Variants in NRXN3 observed in about 807,000 individuals in gnomAD.
NRXN3 encodes neurexin III.
A neutral mutation model predicts 137.6 loss-of-function variants in NRXN3; 32 were observed. That is an observed-to-expected ratio of 0.23 (90% CI 0.18 to 0.31). The LOEUF (loss-of-function observed/expected upper bound fraction) is 0.31. Ranked by LOEUF, NRXN3 falls within the 10% of genes least tolerant of loss-of-function variation. The pLI, the probability that NRXN3 is intolerant of heterozygous loss-of-function variation, is 1.00. For missense variants in NRXN3, 1,574 were observed against 2,062.5 expected, an observed-to-expected ratio of 0.76 and a Z score of 4.59; for synonymous variants, 798 against 784.5, an observed-to-expected ratio of 1.02 and a Z score of -0.29.
intron 15 of NRXN3, among the ~76,000 whole-genome samples, chr14:79,011,372 C>CA (rs2099570762): frequency 1.8e-5 from 2 of 109,702 alleles, no homozygotes; most frequent in Non-Finnish European, 3.7e-5. Context: ...CCCGCCCCCC[C>CA]ACCTCCCCCC....
intron 4 of NRXN3, among the ~76,000 whole-genome samples, chr14:78,630,535 G>A (rs556388791): frequency 2.2e-4 from 34 of 151,576 alleles, no homozygotes; most frequent in African/African-American, 8.0e-4. Flanking sequence ...TAAATGCACA[G>A]TGCATAAATT....
chr14:79,768,699 T>C (rs933868021), intron 19 of NRXN3, among the ~76,000 whole-genome samples: 9 of 152,096 alleles, frequency 5.9e-5, no homozygotes, highest in Non-Finnish European at 8.8e-5. Context: ...AACTGGAAAC[T>C]CTTAAAAGCA....
At chr14:79,491,825 T>C (rs1401735628) in intron 16 of NRXN3, among the ~76,000 whole-genome samples, 1 of 152,180 alleles carries the variant, frequency 6.6e-6, no homozygotes, top group African/African-American at 2.4e-5. Flanking sequence ...TTACAGTATA[T>C]ATAAACATTA....
intron 15 of NRXN3, among the ~76,000 whole-genome samples, chr14:79,435,593 T>TATAC (rs1555447168): frequency 7.0e-6 from 1 of 143,824 alleles, no homozygotes; most frequent in Non-Finnish European, 1.5e-5. Context: ...AACACTAAGA[T>TATAC]ACACACACAC....
chr14:79,412,410 A>C (rs1229299159), intron 15 of NRXN3, among the ~76,000 whole-genome samples: 1 of 152,072 alleles, frequency 6.6e-6, no homozygotes, highest in Non-Finnish European at 1.5e-5. Context: ...TATGTTTGTC[A>C]TAGGCACTAG....
chr14:78,788,849 G>T (rs2098797070), intron 8 of NRXN3, among the ~76,000 whole-genome samples: 2 of 152,070 alleles, frequency 1.3e-5, no homozygotes, highest in South Asian at 4.2e-4. Context: ...TCCCAACAAG[G>T]TTTTACCATG....
chr14:78,977,245 G>T (rs1213085163), intron 14 of NRXN3, among the ~76,000 whole-genome samples: 1 of 152,206 alleles, frequency 6.6e-6, no homozygotes, highest in East Asian at 1.9e-4. Flanking sequence ...TGACCAGAGA[G>T]TATCTGAGAG....
chr14:78,923,478 C>A (rs1399698255), intron 10 of NRXN3, among the ~76,000 whole-genome samples: 2 of 152,276 alleles, frequency 1.3e-5, no homozygotes, highest in African/African-American at 4.8e-5. Flanking sequence ...CTTTTAGTGG[C>A]ATCACAGAGA....
At chr14:78,440,332 G>A (rs559764318) in intron 4 of NRXN3, among the ~76,000 whole-genome samples, 105 of 151,996 alleles carry the variant, frequency 6.9e-4, no homozygotes, top group Admixed American at 1.7e-3. Flanking sequence ...TGCCCTGCAG[G>A]CCCCATCACC....
chr14:78,696,487 C>T (rs535289770), intron 6 of NRXN3, among the ~76,000 whole-genome samples: 1 of 152,130 alleles, frequency 6.6e-6, no homozygotes. Context: ...AACTGAGGTA[C>T]AGAGAGATTA....
chr14:78,641,555 A>G (rs1006963506), intron 4 of NRXN3, among the ~76,000 whole-genome samples: 2 of 152,232 alleles, frequency 1.3e-5, no homozygotes, highest in African/African-American at 4.8e-5. Flanking sequence ...CCATCACTTG[A>G]AAATGATATA....
intron 20 of NRXN3, among the ~76,000 whole-genome samples, chr14:79,846,178 C>G (rs2099370691): frequency 6.6e-6 from 1 of 152,140 alleles, no homozygotes; most frequent in African/African-American, 2.4e-5. Flanking sequence ...ATGGTGCCAA[C>G]AGAGTTCCTG....
At chr14:78,780,046 AC>A (rs1365031705) in intron 8 of NRXN3, among the ~76,000 whole-genome samples, 1 of 152,158 alleles carries the variant, frequency 6.6e-6, no homozygotes, top group Admixed American at 6.5e-5. Context: ...GACTTGCCCA[AC>A]TAGACATCAA....
At chr14:79,419,541 C>T (rs557197325) in intron 15 of NRXN3, among the ~76,000 whole-genome samples, 2 of 152,110 alleles carry the variant, frequency 1.3e-5, no homozygotes, top group East Asian at 1.9e-4. Flanking sequence ...CCATCCTTCT[C>T]ATTTGTGCCC....
chr14:78,931,377 G>T (rs1237489127), intron 10 of NRXN3, among the ~76,000 whole-genome samples: 1 of 152,060 alleles, frequency 6.6e-6, no homozygotes, highest in Non-Finnish European at 1.5e-5. Flanking sequence ...TGTCCTTAAT[G>T]ATGAATTAAG....
intron 20 of NRXN3, among the ~76,000 whole-genome samples, chr14:79,842,942 C>T (rs2099359255): frequency 6.6e-6 from 1 of 152,158 alleles, no homozygotes; most frequent in Non-Finnish European, 1.5e-5. Context: ...GGGTATTAGA[C>T]ATTGTTTTTT....
chr14:78,376,597 C>T (rs1178603272), intron 4 of NRXN3, among the ~76,000 whole-genome samples: 1 of 152,102 alleles, frequency 6.6e-6, no homozygotes, highest in Non-Finnish European at 1.5e-5. Flanking sequence ...TAGTAAGTTT[C>T]TTGAGTTTTC....
At chr14:78,289,328 CAG>C (rs888131793) in intron 3 of NRXN3, among the ~76,000 whole-genome samples, 5 of 152,140 alleles carry the variant, frequency 3.3e-5, no homozygotes, top group Non-Finnish European at 1.5e-5. Flanking sequence ...GTAGCATTCT[CAG>C]GGGATTTCAG....
At chr14:78,916,092 G>T (rs1055754512) in intron 10 of NRXN3, among the ~76,000 whole-genome samples, 5 of 151,908 alleles carry the variant, frequency 3.3e-5, no homozygotes, top group Non-Finnish European at 7.4e-5. Flanking sequence ...ACAGAAAATA[G>T]CTCAAAAATT....
Sources: allele counts gnomAD v4.1 joint callset (sites outside exome capture counted in the v4.1 genomes callset), GRCh38; gene constraint gnomAD v4.1.1; transcripts MANE v1.5; gene names NCBI Gene and HGNC (gene_info 2026-07-23, HGNC 2026-07-21).